The following LRRC4C variants were observed in gnomAD, a reference collection of about 807,000 sequenced individuals.
LRRC4C encodes the protein leucine-rich repeat-containing protein 4C.
Under a neutral mutation model 33.6 loss-of-function variants are expected in LRRC4C, and 5 were observed. The ratio of observed to expected loss-of-function variants is 0.15; its 90% confidence interval spans 0.08 to 0.31. The LOEUF is 0.31. Ranked by LOEUF, LRRC4C falls within the 10% of genes least tolerant of loss-of-function variation. The probability of loss-of-function intolerance (pLI) is 1.00; values close to 1 mark genes in which losing one functional copy is unlikely to be tolerated. For synonymous variants in LRRC4C, 329 were observed against 302.0 expected (o/e 1.09, Z -0.93); for missense variants, 560 against 796.7 (o/e 0.70, Z 3.58).
chr11:41,297,274 G>C (rs945058216), intron 1 of LRRC4C, among the ~76,000 whole-genome samples: 6 of 152,078 alleles, frequency 3.9e-5, no homozygotes, highest in Admixed American at 3.9e-4. Flanking sequence ...TGCGTTATTG[G>C]ATTCGGTTTG....
In LRRC4C at chr11:40,721,901, A is replaced by G. The variant is rs1373140174; in HGVS notation, c.-406-73623T>C. On this transcript the variant is annotated intron_variant, in intron 2 of 6. Coordinates refer to ENST00000528697, the MANE Select transcript of LRRC4C (RefSeq NM_001258419.2). ...GCTTGCAGTGAGCCAAGATCGCGCC[A>G]CTGCACTCCATCCAGCCTGGGCGAC... 2.0e-5 allele frequency among the ~76,000 whole-genome samples: 3 copies of G among 152,338 alleles called. No individual in the cohort carries two copies. In the East Asian group the frequency reaches 5.8e-4, roughly 29 times the overall value.
chr11:40,209,730 T>G (rs1355446699), intron 5 of LRRC4C, among the ~76,000 whole-genome samples: 2 of 152,190 alleles, frequency 1.3e-5, no homozygotes, highest in Non-Finnish European at 2.9e-5. Flanking sequence ...TCAGGCACTT[T>G]GCTGGATATG....
intron 4 of LRRC4C, among the ~76,000 whole-genome samples, chr11:40,255,121 T>C (rs920372022): frequency 7.2e-5 from 11 of 152,118 alleles, no homozygotes; most frequent in Non-Finnish European, 1.2e-4. Flanking sequence ...GTAAATTTTC[T>C]GATAAATGCT....
chr11:40,751,062 C>G (rs766913709), intron 2 of LRRC4C, among the ~76,000 whole-genome samples: 1 of 150,412 alleles, frequency 6.6e-6, no homozygotes, highest in African/African-American at 2.4e-5. Context: ...TTGACAAATT[C>G]CACCTCCCTT....
chr11:40,205,045 A>C (rs1281840314), intron 5 of LRRC4C, among the ~76,000 whole-genome samples: 1 of 152,194 alleles, frequency 6.6e-6, no homozygotes, highest in Non-Finnish European at 1.5e-5. Context: ...GAATATGCCT[A>C]ATATTTTACA....
intron 1 of LRRC4C, among the ~76,000 whole-genome samples, chr11:41,440,770 G>T (rs1483912657): frequency 6.6e-6 from 1 of 152,110 alleles, no homozygotes; most frequent in Non-Finnish European, 1.5e-5. Flanking sequence ...CTGGTAGTTT[G>T]ATAAGTGTCC....
At chr11:40,527,047 A>G (rs1956080115) in intron 3 of LRRC4C, among the ~76,000 whole-genome samples, 1 of 152,198 alleles carries the variant, frequency 6.6e-6, no homozygotes. Flanking sequence ...TCTCATTTAT[A>G]CAAAGTTGAT....
intron 3 of LRRC4C, among the ~76,000 whole-genome samples, chr11:40,503,043 G>A (rs539989267): frequency 2.0e-4 from 31 of 152,208 alleles, no homozygotes; most frequent in African/African-American, 7.5e-4. Flanking sequence ...ATTTAGCTCT[G>A]TTTGACTCAA....
intron 3 of LRRC4C, among the ~76,000 whole-genome samples, chr11:40,589,734 T>C (rs1204152043): frequency 2.0e-5 from 3 of 151,632 alleles, no homozygotes; most frequent in East Asian, 3.9e-4. Context: ...CCTTCACTTA[T>C]GAAACTTAGT....
chr11:40,875,339 T>C (rs1954835835), intron 2 of LRRC4C, among the ~76,000 whole-genome samples: 1 of 152,202 alleles, frequency 6.6e-6, no homozygotes, highest in Non-Finnish European at 1.5e-5. Context: ...GAGTCAATAT[T>C]TTAAAATTCT....
chr11:40,166,448 C>A (rs563840117), intron 5 of LRRC4C, among the ~76,000 whole-genome samples: 1 of 152,046 alleles, frequency 6.6e-6, no homozygotes, highest in African/African-American at 2.4e-5. Context: ...CCTTGAGGAG[C>A]GGGCAGTTAC....
intron 3 of LRRC4C, among the ~76,000 whole-genome samples, chr11:40,501,205 G>GC (rs1247945787): frequency 6.6e-6 from 1 of 152,076 alleles, no homozygotes; most frequent in Non-Finnish European, 1.5e-5. Context: ...GCAGGATAAA[G>GC]CCCCCCACCT....
intron 2 of LRRC4C, among the ~76,000 whole-genome samples, chr11:40,874,828 T>C (rs796734144): frequency 6.6e-6 from 1 of 152,202 alleles, no homozygotes; most frequent in South Asian, 2.1e-4. Context: ...GATTGGAATA[T>C]GGACTGCTAG....
At chr11:40,685,546 AAC>A (rs1197260804) in intron 2 of LRRC4C, among the ~76,000 whole-genome samples, 1 of 151,990 alleles carries the variant, frequency 6.6e-6, no homozygotes, top group Non-Finnish European at 1.5e-5. Flanking sequence ...ATAACTATAA[AAC>A]ACACAGAATA....
intron 3 of LRRC4C, among the ~76,000 whole-genome samples, chr11:40,382,684 A>ATTT (rs35200000): frequency 0.01 from 677 of 65,570 alleles, 79 homozygotes; most frequent in African/African-American, 0.04. Flanking sequence ...ACTTGTACTC[A>ATTT]TTTTTTTTTT....
At chr11:40,247,931 C>G (rs1866478906) in intron 4 of LRRC4C, among the ~76,000 whole-genome samples, 1 of 152,166 alleles carries the variant, frequency 6.6e-6, no homozygotes, top group Admixed American at 6.6e-5. Context: ...GATGTTATGT[C>G]TCTTCTCTAA....
intron 2 of LRRC4C, among the ~76,000 whole-genome samples, chr11:40,861,867 G>C (rs1379245699): frequency 6.6e-6 from 1 of 152,136 alleles, no homozygotes; most frequent in Non-Finnish European, 1.5e-5. Context: ...GAGGTGCCAG[G>C]CTCTTTAAAC....
intron 2 of LRRC4C, among the ~76,000 whole-genome samples, chr11:40,708,723 T>A (rs1297091702): frequency 6.6e-6 from 1 of 152,140 alleles, no homozygotes; most frequent in East Asian, 1.9e-4. Context: ...GTCTATTAGG[T>A]CTGCTTGGTG....
At chr11:41,012,594 T>C (rs1855286825) in intron 1 of LRRC4C, among the ~76,000 whole-genome samples, 1 of 152,192 alleles carries the variant, frequency 6.6e-6, no homozygotes, top group African/African-American at 2.4e-5. Flanking sequence ...CTTTTGAATA[T>C]ATGCCCAGTA....
Sources: gnomAD v4.1 joint callset for allele counts (sites outside exome capture counted in the v4.1 genomes callset) on GRCh38, gnomAD v4.1.1 for gene constraint, MANE v1.5 for transcripts, NCBI Gene and HGNC (gene_info 2026-07-23, HGNC 2026-07-21) for gene names.